FEM1A: variants seen among roughly 807,000 people sequenced by gnomAD.
The protein encoded by FEM1A is protein fem-1 homolog A.
Under a neutral mutation model 0.7 loss-of-function variants are expected in FEM1A, and 1 was observed. That is an observed-to-expected ratio of 1.35 (90% CI 0.48 to 6.40). The LOEUF (loss-of-function observed/expected upper bound fraction) is 6.40, where lower values mean the gene tolerates loss of function less well. FEM1A is among the 30% of genes most tolerant of loss of function. The pLI is 0.14. For synonymous variants in FEM1A, 391 were observed against 420.6 expected (o/e 0.93, Z 0.86); for missense variants, 721 against 918.7 (o/e 0.78, Z 2.78).
In FEM1A at chr19:4,794,475, C is replaced by T. The variant is rs1036859604; in HGVS notation, c.*611C>T. ...CATAGCTTTCGGTTGGTTTGGTGTT[C>T]TGTTTATTTAATAAGTGGGCAGGTT... On this transcript the variant is annotated 3_prime_UTR_variant, in exon 1 of 1. Coordinates refer to ENST00000269856, the MANE Select transcript of FEM1A (RefSeq NM_018708.3). 5.4e-5 allele frequency: 9 copies of T among 166,858 alleles called. No individual in the cohort carries two copies. Among genetic ancestry groups the T allele is most frequent in the Admixed American group, 4.6e-4 (7 of 15,270 alleles). The allele number at this position is 166,858 out of a possible 1,614,324, so 10.3% of individuals were successfully genotyped here.
chr19:4,792,436 C>T lies in FEM1A; in HGVS notation c.582C>T (p.Gly194=), dbSNP rs764762462. ...CCCTGCATGACTGCGCCGAGTCCGG[C>T]AGCCTGGAGATCCTGCAGCTGCTGC... The part of the protein sequence containing the change: ...NTALHDCAES[G]SLEILQLLLG... The change falls in exon 1 of 1, where the codon GGC becomes GGT. Residue 194 remains glycine, a synonymous_variant. Coordinates refer to ENST00000269856, the MANE Select transcript of FEM1A (RefSeq NM_018708.3). The surrounding 1 kb of genome is among the most constrained non-coding windows in gnomAD (Gnocchi z 6.7). The T allele has an allele frequency of 6.3e-7, 1 of 1,596,248 alleles. No homozygotes were observed. Among genetic ancestry groups the T allele is most frequent in the Non-Finnish European group, 8.5e-7 (1 of 1,179,508 alleles).
Position 4,793,303 on chromosome 19 carries a change from G to A in FEM1A, c.1449G>A (p.Arg483=), listed in dbSNP as rs200623330. 5 of 1,612,948 alleles carry A rather than the reference G, an allele frequency of 3.1e-6. 1 individual carries two copies. The highest frequency in any genetic ancestry group is 2.2e-5 in the East Asian group (1 of 44,874). The part of the protein sequence containing the change: ...REVERALQLP[R]EPGDSAQFTK... ...TGGAACGGGCCCTGCAGCTGCCCAG[G>A]GAGCCCGGAGACTCAGCCCAGTTCA... is the stretch of plus-strand genomic sequence containing the variant. The change falls in exon 1 of 1, where the codon AGG becomes AGA. Residue 483 remains arginine (R), a synonymous_variant. Transcript: ENST00000269856. This position sits in a 1 kb window ranked among gnomAD's most constrained non-coding sequence, Gnocchi z 5.1.
Position 4,791,854 on chromosome 19 carries a change from C to A in FEM1A, c.-1C>A. The A allele has an allele frequency of 1.8e-5, 27 of 1,506,410 alleles. No homozygotes were observed. Among genetic ancestry groups the A allele is most frequent in the Non-Finnish European group, 2.4e-5 (27 of 1,132,526 alleles). The allele number at this position is 1,506,410 out of a possible 1,614,324, so 93.3% of individuals were successfully genotyped here. On this transcript the variant is annotated 5_prime_UTR_variant, in exon 1 of 1. Transcript: ENST00000269856. The stretch of plus-strand genomic sequence containing the variant: ...CCCATGGCCTGGCGGAGGCCCGAAC[C>A]ATGGACCTCCGCACCGCCGTGTACA...
Position 4,792,006 on chromosome 19 carries a change from A to G in FEM1A, c.152A>G (p.Tyr51Cys), listed in dbSNP as rs1398259636. 6.5e-7 allele frequency: 1 copy of G among 1,535,706 alleles called. No individual in the cohort carries two copies. Reference sequence around the variant, plus strand: ...ACGCCGCTACTCATCGCCGCCCGCTACGGCCACCTGGACGTGGTGGAGTAC... The same window carrying G: ...ACGCCGCTACTCATCGCCGCCCGCTGCGGCCACCTGGACGTGGTGGAGTAC... ...GGTPLLIAAR[Y>C]GHLDVVEYLV... Residue 51 changes from tyrosine to cysteine, a missense_variant, in exon 1 of 1, where the codon TAC becomes TGC. Around this residue, in one of 4 missense-constraint regions of FEM1A, gnomAD observed 195 missense variants for 316.9 expected, o/e 0.62. Transcript: ENST00000269856. This position sits in a 1 kb window ranked among gnomAD's most constrained non-coding sequence, Gnocchi z 6.7.
In FEM1A at chr19:4,793,835, G is replaced by T. The variant is rs1376158109; in HGVS notation, c.1981G>T (p.Asp661Tyr). The change falls in exon 1 of 1, where the codon GAT becomes TAT. Residue 661 changes from aspartate (D) to tyrosine (Y), a missense_variant. By Grantham distance (160) the Asp-to-Tyr change is radical (BLOSUM62 -3). Coordinates refer to ENST00000269856, the MANE Select transcript of FEM1A (RefSeq NM_018708.3). This position sits in a 1 kb window ranked among gnomAD's most constrained non-coding sequence, Gnocchi z 5.1. ...KIPYKGFIPE[D>Y]LEAFIELH ...CCCTTACAAGGGCTTCATCCCGGAA[G>T]ATCTGGAGGCGTTCATCGAACTGCA... 6.8e-6 allele frequency: 11 copies of T among 1,608,040 alleles called. No individual in the cohort carries two copies. Among genetic ancestry groups the T allele is most frequent in the South Asian group, 6.6e-5 (6 of 90,342 alleles).
At position 4,799,215 on chromosome 19, in the gene FEM1A, C is replaced by T. The variant is rs898072260; in HGVS notation, c.*5351C>T. 3.3e-5 allele frequency: 5 copies of T among 151,990 alleles called. No homozygotes were observed. Among genetic ancestry groups the T allele is most frequent in the African/African-American group, 1.2e-4 (5 of 41,364 alleles). 9.4% of individuals were successfully genotyped at this position (151,990 alleles called of 1,614,324 possible). A position where few individuals can be genotyped will look rare whatever the true frequency, so the allele number is the denominator to read the frequency against. On this transcript the variant is annotated 3_prime_UTR_variant, in exon 1 of 1. Coordinates refer to ENST00000269856, the MANE Select transcript of FEM1A (RefSeq NM_018708.3). ...GGATCACGAGGTCAGGAGTTCGAGA[C>T]CAGCCTGGTCAACATGGTGAAACCC... is the stretch of plus-strand genomic sequence containing the variant.
rs1264037187 is a variant in FEM1A, at chr19:4,791,780, C to G, written c.-75C>G. ...CGAGGGGGACGGTGAAGGTTGCCTC[C>G]CGCCCGTCCGGGCTCTGATCCTCCG... On this transcript the variant is annotated 5_prime_UTR_variant, in exon 1 of 1. Transcript: ENST00000269856. 7.3e-7 allele frequency: 1 copy of G among 1,373,196 alleles called. No individual in the cohort carries two copies. Among genetic ancestry groups the G allele is most frequent in the African/African-American group, 1.5e-5 (1 of 65,436 alleles). 85.1% of individuals were successfully genotyped at this position (1,373,196 alleles called of 1,614,324 possible).
In FEM1A at chr19:4,794,753, C is replaced by G. The variant is rs1349734767; in HGVS notation, c.*889C>G. The G allele has an allele frequency of 6.0e-6, 1 of 166,902 alleles. No individual in the cohort carries two copies. The highest frequency in any genetic ancestry group is 1.5e-5 in the Non-Finnish European group (1 of 68,114). 10.3% of individuals were successfully genotyped at this position (166,902 alleles called of 1,614,324 possible). A position where few individuals can be genotyped will look rare whatever the true frequency, so the allele number is the denominator to read the frequency against. On this transcript the variant is annotated 3_prime_UTR_variant, in exon 1 of 1. Transcript: ENST00000269856. ...CACTCTACGGCCTTTTACAGGCTTT[C>G]CGATTTTACAGGCCTTTCCAAGTTT...
chr19:4,796,915 G>A lies in FEM1A; in HGVS notation c.*3051G>A, dbSNP rs2093561742. On this transcript the variant is annotated 3_prime_UTR_variant, in exon 1 of 1. Coordinates refer to ENST00000269856, the MANE Select transcript of FEM1A (RefSeq NM_018708.3). ...ACAGCTGTTGGGCTGTTGTATGCCT[G>A]TTTGGTGTTGCATCAAAGGAGTGGG... is the stretch of plus-strand genomic sequence containing the variant. 1 of 152,228 alleles carries A rather than the reference G, an allele frequency of 6.6e-6. No individual in the cohort carries two copies. Among genetic ancestry groups the A allele is most frequent in the African/African-American group, 2.4e-5 (1 of 41,444 alleles). The allele number at this position is 152,228 out of a possible 1,614,324, so 9.4% of individuals were successfully genotyped here. A position where few individuals can be genotyped will look rare whatever the true frequency, so the allele number is the denominator to read the frequency against.
Position 4,793,861 on chromosome 19 carries a change from C to T in FEM1A, c.2007C>T (p.His669=), listed in dbSNP as rs763842017. The part of the protein sequence containing the change: ...PEDLEAFIEL[H] Reference sequence around the variant, plus strand: ...ATCTGGAGGCGTTCATCGAACTGCACTGACCTGCCCAGAACGCCTGCACCC... The same window carrying T: ...ATCTGGAGGCGTTCATCGAACTGCATTGACCTGCCCAGAACGCCTGCACCC... Residue 669 remains histidine, a synonymous_variant, in exon 1 of 1, where the codon CAC becomes CAT. Coordinates refer to ENST00000269856, the MANE Select transcript of FEM1A (RefSeq NM_018708.3). This position sits in a 1 kb window ranked among gnomAD's most constrained non-coding sequence, Gnocchi z 5.1. 5.8e-5 allele frequency: 92 copies of T among 1,598,322 alleles called. No individual in the cohort carries two copies. Among genetic ancestry groups the T allele is most frequent in the Non-Finnish European group, 7.0e-5 (82 of 1,173,666 alleles).
chr19:4,798,227 C>G lies in FEM1A; in HGVS notation c.*4363C>G, dbSNP rs2093563925. ...CAGCCTGGGCGACAGAGCGAGACTC[C>G]GTCTCAAAAAACAAACAAACAAACA... is the stretch of plus-strand genomic sequence containing the variant. On this transcript the variant is annotated 3_prime_UTR_variant, in exon 1 of 1. Transcript: ENST00000269856. The G allele has an allele frequency of 6.8e-6, 1 of 148,142 alleles. No individual in the cohort carries two copies. Among genetic ancestry groups the G allele is most frequent in the Non-Finnish European group, 1.5e-5 (1 of 67,406 alleles). The allele number at this position is 148,142 out of a possible 1,614,324, so 9.2% of individuals were successfully genotyped here.
chr19:4,793,673 A>T lies in FEM1A; in HGVS notation c.1819A>T (p.Met607Leu). 1 of 1,613,066 alleles carries T rather than the reference A, an allele frequency of 6.2e-7. No homozygotes were observed. Among genetic ancestry groups the T allele is most frequent in the Non-Finnish European group, 8.5e-7 (1 of 1,179,842 alleles). Residue 607 changes from methionine (M) to leucine (L), a missense_variant, in exon 1 of 1, where the codon ATG becomes TTG. Coordinates refer to ENST00000269856, the MANE Select transcript of FEM1A (RefSeq NM_018708.3). This position sits in a 1 kb window ranked among gnomAD's most constrained non-coding sequence, Gnocchi z 5.1. ...TGCCCTGATCGAAGCAGGGGCCCACATGGACGCCACCAATGCCTTCAAGAA... is the reference window on the plus strand; with the variant it reads ...TGCCCTGATCGAAGCAGGGGCCCACTTGGACGCCACCAATGCCTTCAAGAA... Reference protein sequence around the residue: ...MNALIEAGAHMDATNAFKKTA... With the variant: ...MNALIEAGAHLDATNAFKKTA...
chr19:4,796,101 A>C lies in FEM1A; in HGVS notation c.*2237A>C, dbSNP rs2093560789. On this transcript the variant is annotated 3_prime_UTR_variant, in exon 1 of 1. Coordinates refer to ENST00000269856, the MANE Select transcript of FEM1A (RefSeq NM_018708.3). ...ATAGTGAGAGCCTGTCTTTACAAAA[A>C]TAAAAAATAGGCTGGGTACGGTGGC... The C allele has an allele frequency of 6.6e-6, 1 of 152,014 alleles. No individual in the cohort carries two copies. Among genetic ancestry groups the C allele is most frequent in the South Asian group, 2.1e-4 (1 of 4,822 alleles). The allele number at this position is 152,014 out of a possible 1,614,324, so 9.4% of individuals were successfully genotyped here. A position where few individuals can be genotyped will look rare whatever the true frequency, so the allele number is the denominator to read the frequency against.
Position 4,793,992 on chromosome 19 carries a change from C to T in FEM1A, c.*128C>T. On this transcript the variant is annotated 3_prime_UTR_variant, in exon 1 of 1. Transcript: ENST00000269856. The surrounding 1 kb of genome is among the most constrained non-coding windows in gnomAD (Gnocchi z 5.1). ...CAATCAGGAGAAGGGTTCTGCCTCCCATCCCCTCTACCTGCAGACAGGGTC... is the reference window on the plus strand; with the variant it reads ...CAATCAGGAGAAGGGTTCTGCCTCCTATCCCCTCTACCTGCAGACAGGGTC... 3 of 946,112 alleles carry T rather than the reference C, an allele frequency of 3.2e-6. No individual in the cohort carries two copies. The highest frequency in any genetic ancestry group is 4.7e-6 in the Non-Finnish European group (3 of 632,474). 58.6% of individuals were successfully genotyped at this position (946,112 alleles called of 1,614,324 possible).
At position 4,794,347 on chromosome 19, in the gene FEM1A, T is replaced by A. The variant is rs958406479; in HGVS notation, c.*483T>A. The A allele has an allele frequency of 2.2e-5, 4 of 177,902 alleles. No homozygotes were observed. Among genetic ancestry groups the A allele is most frequent in the African/African-American group, 9.6e-5 (4 of 41,614 alleles). 11.0% of individuals were successfully genotyped at this position (177,902 alleles called of 1,614,324 possible). A position where few individuals can be genotyped will look rare whatever the true frequency, so the allele number is the denominator to read the frequency against. On this transcript the variant is annotated 3_prime_UTR_variant, in exon 1 of 1. Coordinates refer to ENST00000269856, the MANE Select transcript of FEM1A (RefSeq NM_018708.3). ...AGATGAGAGTTTGAGATTCAGGGAA[T>A]GAGACCACCTCTCATTTCTTCCAGC...
In FEM1A at chr19:4,800,308, C is replaced by A. The variant is rs993770286; in HGVS notation, c.*6444C>A. The A allele has an allele frequency of 6.6e-6, 1 of 152,250 alleles. No homozygotes were observed. Among genetic ancestry groups the A allele is most frequent in the Non-Finnish European group, 1.5e-5 (1 of 68,106 alleles). The allele number at this position is 152,250 out of a possible 1,614,324, so 9.4% of individuals were successfully genotyped here. A position where few individuals can be genotyped will look rare whatever the true frequency, so the allele number is the denominator to read the frequency against. Reference sequence around the variant, plus strand: ...GGGGCTTGTCTAAGCTTACCCAGCCCGGAAGCATCGGGGTCAAAGCTTAAC... The same window carrying A: ...GGGGCTTGTCTAAGCTTACCCAGCCAGGAAGCATCGGGGTCAAAGCTTAAC... On this transcript the variant is annotated 3_prime_UTR_variant, in exon 1 of 1. Transcript: ENST00000269856.
Position 4,793,168 on chromosome 19 carries a change from C to T in FEM1A, c.1314C>T (p.Phe438=), listed in dbSNP as rs2093556714. 1.2e-6 allele frequency: 2 copies of T among 1,613,614 alleles called. No homozygotes were observed. Among genetic ancestry groups the T allele is most frequent in the Non-Finnish European group, 1.7e-6 (2 of 1,180,024 alleles). ...SPMTASSFLS[F]AELFSYVLQD... is the part of the protein sequence containing the mutation. ...TGACCGCCAGCAGCTTCCTCTCCTT[C>T]GCGGAACTCTTCTCCTACGTGCTTC... is the stretch of plus-strand genomic sequence containing the variant. The change falls in exon 1 of 1, where the codon TTC becomes TTT. Residue 438 remains phenylalanine (F), a synonymous_variant. Coordinates refer to ENST00000269856, the MANE Select transcript of FEM1A (RefSeq NM_018708.3). This position sits in a 1 kb window ranked among gnomAD's most constrained non-coding sequence, Gnocchi z 5.1.
At position 4,793,023 on chromosome 19, in the gene FEM1A, C is replaced by T. The variant is rs865787452; in HGVS notation, c.1169C>T (p.Ser390Phe). ...CTCGGTCCCTCGCACCCGGACACTT[C>T]CTATTACATCCGTTACAGGGGTGCC... ...RILGPSHPDTSYYIRYRGAVY... is the reference protein window; with the variant it reads ...RILGPSHPDTFYYIRYRGAVY... The change falls in exon 1 of 1, where the codon TCC becomes TTC. Residue 390 changes from serine (S) to phenylalanine (F), a missense_variant. Ser to Phe is a radical substitution (Grantham distance 155). Around this residue, in one of 4 missense-constraint regions of FEM1A, gnomAD observed 379 missense variants for 454.8 expected, o/e 0.83. Transcript: ENST00000269856. The surrounding 1 kb of genome is among the most constrained non-coding windows in gnomAD (Gnocchi z 5.1). 6.2e-7 allele frequency: 1 copy of T among 1,613,388 alleles called. No homozygotes were observed. The highest frequency in any genetic ancestry group is 8.5e-7 in the Non-Finnish European group (1 of 1,179,998).
rs918008571 is a variant in FEM1A, at chr19:4,798,602, A to T, written c.*4738A>T. On this transcript the variant is annotated 3_prime_UTR_variant, in exon 1 of 1. Coordinates refer to ENST00000269856, the MANE Select transcript of FEM1A (RefSeq NM_018708.3). The stretch of plus-strand genomic sequence containing the variant: ...TCCAGCCTGGGCGACAGAGCACAAG[A>T]CTCCATCTCAAAAAAAAAAAAAAGA... 1.4e-5 allele frequency: 2 copies of T among 146,792 alleles called. No individual in the cohort carries two copies. The highest frequency in any genetic ancestry group is 6.9e-5 in the Admixed American group (1 of 14,464). The allele number at this position is 146,792 out of a possible 1,614,324, so 9.1% of individuals were successfully genotyped here.
Sources: gnomAD v4.1 joint callset for allele counts on GRCh38, gnomAD v4.1.1 for gene constraint, gnomAD v4.1.1 regional missense constraint, Gnocchi (gnomAD v3.1) non-coding constraint, MANE v1.5 for transcripts, NCBI Gene and HGNC (gene_info 2026-07-23, HGNC 2026-07-21) for gene names.